The following CCSER1 variants were observed in gnomAD, a reference collection of about 807,000 sequenced individuals.
CCSER1 encodes the protein coiled-coil serine rich protein 1.
CCSER1 carries 41 observed loss-of-function variants against 82.0 expected under a neutral mutation model. That is an observed-to-expected ratio of 0.50 (90% CI 0.39 to 0.65). CCSER1 has a LOEUF of 0.65. Ranked by LOEUF, CCSER1 falls within the 30% of genes least tolerant of loss-of-function variation. The probability of loss-of-function intolerance (pLI) is 0.00; values close to 1 mark genes in which losing one functional copy is unlikely to be tolerated. For missense variants in CCSER1, 1,119 were observed against 1,064.2 expected, an observed-to-expected ratio of 1.05 and a Z score of -0.72; for synonymous variants, 414 against 383.9, an observed-to-expected ratio of 1.08 and a Z score of -0.92.
intron 10 of CCSER1, among the ~76,000 whole-genome samples, chr4:91,098,638 T>G (rs1204313593): frequency 6.6e-6 from 1 of 151,736 alleles, no homozygotes; most frequent in African/African-American, 2.4e-5. Context: ...GCCTCCCGGG[T>G]TCATGCCATT....
intron 10 of CCSER1, among the ~76,000 whole-genome samples, chr4:91,282,100 C>T (rs536611450): frequency 6.6e-6 from 1 of 152,120 alleles, no homozygotes; most frequent in African/African-American, 2.4e-5. Flanking sequence ...ATAATGATAA[C>T]TTTTTAAAAA....
At chr4:91,292,471 A>C (rs2149220868) in intron 10 of CCSER1, among the ~76,000 whole-genome samples, 1 of 152,132 alleles carries the variant, frequency 6.6e-6, no homozygotes, top group African/African-American at 2.4e-5. Flanking sequence ...AAAATAAGCT[A>C]TTTTAAGTCC....
At chr4:90,412,546 A>C (rs981635746) in intron 4 of CCSER1, among the ~76,000 whole-genome samples, 1 of 151,620 alleles carries the variant, frequency 6.6e-6, no homozygotes, top group African/African-American at 2.4e-5. Context: ...AAAACCAAAA[A>C]GATAATCCAT....
In CCSER1 at chr4:91,257,526, T is replaced by C. The variant is rs571254710; in HGVS notation, c.2217+171532T>C. Among the ~76,000 whole-genome samples, 53 of 144,744 alleles carry C rather than the reference T, an allele frequency of 3.7e-4. No individual in the cohort carries two copies. The East Asian group carries it at 6.5e-3, about 18-fold the overall frequency. 95.0% of individuals were successfully genotyped at this position (144,744 alleles called of 152,430 possible). On this transcript the variant is annotated intron_variant, in intron 10 of 10. Transcript: ENST00000509176. ...ACCCATTTCTGTATATCTAGAAACATATCCTAATGTAAAATGGGCAACTAA... is the reference window on the plus strand; with the variant it reads ...ACCCATTTCTGTATATCTAGAAACACATCCTAATGTAAAATGGGCAACTAA...
In CCSER1 at chr4:90,869,427, A is replaced by G. The variant is rs72881356; in HGVS notation, c.2094+53582A>G. Among the ~76,000 whole-genome samples, 798 of 152,130 alleles carry G rather than the reference A, an allele frequency of 5.2e-3. 2 individuals carry two copies. Among genetic ancestry groups the G allele is most frequent in the African/African-American group, 0.018 (756 of 41,542 alleles). On this transcript the variant is annotated intron_variant, in intron 8 of 10. Coordinates refer to ENST00000509176, the MANE Select transcript of CCSER1 (RefSeq NM_001145065.2). ...TTTAGTTTTCTGCATAGAGATATCT[A>G]GTTTTCCCACCACCATTTGTTGAAG...
At chr4:91,439,806 G>C (rs1333294101) in intron 10 of CCSER1, among the ~76,000 whole-genome samples, 2 of 152,076 alleles carry the variant, frequency 1.3e-5, no homozygotes, top group African/African-American at 4.8e-5. Flanking sequence ...AAAGGCAGGG[G>C]TTGCAATCCT....
At chr4:90,671,761 G>A (rs1468288543) in intron 6 of CCSER1, among the ~76,000 whole-genome samples, 1 of 151,920 alleles carries the variant, frequency 6.6e-6, no homozygotes, top group East Asian at 1.9e-4. Context: ...TTCATCAGAG[G>A]AATCACTATC....
intron 10 of CCSER1, among the ~76,000 whole-genome samples, chr4:91,109,955 T>C (rs144395894): frequency 9.9e-5 from 15 of 152,252 alleles, no homozygotes; most frequent in African/African-American, 3.1e-4. Context: ...AATGATTATA[T>C]AATAGAAGGC....
rs150267813 is a variant in CCSER1 at position 90,353,856 on chromosome 4, A to C, written c.1509+40809A>C. ...AACAAGTGGCCTCATGCTGGAAGCC[A>C]TTATGGAAAGAGTATGACATTCCTC... On this transcript the variant is annotated intron_variant, in intron 3 of 10. Coordinates refer to ENST00000509176, the MANE Select transcript of CCSER1 (RefSeq NM_001145065.2). Among the ~76,000 whole-genome samples the C allele has an allele frequency of 4.5e-3, 687 of 152,326 alleles. 11 individuals carry two copies. Among genetic ancestry groups the C allele is most frequent in the African/African-American group, 0.016 (666 of 41,582 alleles).
chr4:91,048,293 T>G (rs1742690792), intron 9 of CCSER1, among the ~76,000 whole-genome samples: 1 of 151,950 alleles, frequency 6.6e-6, no homozygotes, highest in East Asian at 1.9e-4. Flanking sequence ...TACACATAAA[T>G]AAAATATCAA....
Position 90,444,271 on chromosome 4 carries a change from C to T in CCSER1, c.1604-23963C>T, listed in dbSNP as rs948142618. Among the ~76,000 whole-genome samples, 3 of 152,020 alleles carry T rather than the reference C, an allele frequency of 2.0e-5. 1 individual carries two copies. The highest frequency in any genetic ancestry group is 2.0e-4 in the Admixed American group (3 of 15,240). On this transcript the variant is annotated intron_variant, in intron 4 of 10. Transcript: ENST00000509176. Reference sequence around the variant, plus strand: ...TACTATGGCCAGAGAGAGCATTCTTCATGCTTTAATAATGTCTTACTGCCA... The same window carrying T: ...TACTATGGCCAGAGAGAGCATTCTTTATGCTTTAATAATGTCTTACTGCCA...
chr4:91,437,154 G>T (rs566803245), intron 10 of CCSER1, among the ~76,000 whole-genome samples: 5 of 152,286 alleles, frequency 3.3e-5, no homozygotes, highest in African/African-American at 1.2e-4. Flanking sequence ...GAAAATATGA[G>T]AAATAAATGT....
At chr4:90,792,423 T>A (rs761791261) in intron 7 of CCSER1, among the ~76,000 whole-genome samples, 10 of 152,172 alleles carry the variant, frequency 6.6e-5, no homozygotes, top group South Asian at 6.2e-4. Flanking sequence ...AAAAACTGCA[T>A]ATGTATTCCC....
At chr4:91,116,084 C>T (rs1726565173) in intron 10 of CCSER1, among the ~76,000 whole-genome samples, 2 of 151,974 alleles carry the variant, frequency 1.3e-5, no homozygotes, top group South Asian at 2.1e-4. Context: ...CAGTTCCCAC[C>T]TATGAGTGAG....
At chr4:91,140,943 C>T (rs9993046) in intron 10 of CCSER1, among the ~76,000 whole-genome samples, 149,727 of 152,186 alleles carry the variant, frequency 0.98, 73,662 homozygotes, top group East Asian at 1. Flanking sequence ...TAGGTAGTTT[C>T]TCAACCCTGG....
intron 9 of CCSER1, among the ~76,000 whole-genome samples, chr4:91,075,835 G>C (rs1284197572): frequency 2.0e-5 from 3 of 152,032 alleles, no homozygotes; most frequent in Non-Finnish European, 2.9e-5. Context: ...TGATATTACA[G>C]TATGATTTTT....
At chr4:90,582,689 C>A (rs1447208517) in intron 5 of CCSER1, among the ~76,000 whole-genome samples, 1 of 152,088 alleles carries the variant, frequency 6.6e-6, no homozygotes, top group African/African-American at 2.4e-5. Flanking sequence ...TAGCTATGGA[C>A]CACTTGATCA....
At chr4:90,802,440 T>C (rs1231991717) in intron 7 of CCSER1, among the ~76,000 whole-genome samples, 1 of 151,574 alleles carries the variant, frequency 6.6e-6, no homozygotes, top group Non-Finnish European at 1.5e-5. Context: ...ATTTAAATAG[T>C]ACTCATTTAA....
At chr4:90,996,185 A>G (rs1287012523) in intron 9 of CCSER1, among the ~76,000 whole-genome samples, 3 of 152,138 alleles carry the variant, frequency 2.0e-5, no homozygotes, top group African/African-American at 7.2e-5. Context: ...CTGTTAATAC[A>G]TGCCAAATCT....
Sources: gnomAD v4.1 joint callset for allele counts (sites outside exome capture counted in the v4.1 genomes callset) on GRCh38, gnomAD v4.1.1 for gene constraint, MANE v1.5 for transcripts, NCBI Gene and HGNC (gene_info 2026-07-23, HGNC 2026-07-21) for gene names.